Variants in SLC11A2 observed in about 807,000 individuals in gnomAD.
The protein encoded by SLC11A2 is solute carrier family 11 member 2.
Under a neutral mutation model 68.0 loss-of-function variants are expected in SLC11A2, and 38 were observed. The ratio of observed to expected loss-of-function variants is 0.56; its 90% confidence interval spans 0.43 to 0.73. The LOEUF (loss-of-function observed/expected upper bound fraction) is 0.73. Ranked by LOEUF, SLC11A2 falls within the 30% of genes least tolerant of loss-of-function variation. SLC11A2 has a pLI of 0.00. For synonymous variants in SLC11A2, 242 were observed against 250.6 expected (o/e 0.97, Z 0.32); for missense variants, 517 against 690.5 (o/e 0.75, Z 2.82).
At chr12:50,968,597 T>C in the SLC11A2 span, among the ~76,000 whole-genome samples, 1 of 152,142 alleles carries the variant, frequency 6.6e-6, no homozygotes, top group East Asian at 1.9e-4. Flanking sequence ...TTGCCCAGGC[T>C]GGAGTGCAAT....
the SLC11A2 span, among the ~76,000 whole-genome samples, chr12:50,966,612 G>A: frequency 5.9e-5 from 9 of 152,170 alleles, no homozygotes; most frequent in Admixed American, 2.6e-4. Context: ...ACTCTACCAA[G>A]GAAGTTCTGG....
chr12:50,978,229 C>T (rs1261785977), downstream of SLC11A2, among the ~76,000 whole-genome samples: 1 of 150,104 alleles, frequency 6.7e-6, no homozygotes. Flanking sequence ...ATAGCAAAGA[C>T]CTGGAACCAA....
At chr12:50,990,665 C>T (rs965951025) in intron 15 of SLC11A2, 130 bp downstream of exon 15, 2 of 907,584 alleles carry the variant, frequency 2.2e-6, no homozygotes, top group African/African-American at 3.3e-5. Flanking sequence ...CCGCCTCAGC[C>T]TCCCAAAGTA....
the SLC11A2 span, among the ~76,000 whole-genome samples, chr12:50,972,285 C>T: frequency 9.9e-5 from 15 of 152,272 alleles, no homozygotes; most frequent in East Asian, 2.9e-3. Flanking sequence ...GTAAGTTCCA[C>T]AATTTTGTAA....
In SLC11A2 at chr12:51,004,957, GTC is replaced by G. The variant is rs761466970; in HGVS notation, c.310-52_310-51del. 3.7e-6 allele frequency: 6 copies of G among 1,607,176 alleles called. No individual in the cohort carries two copies. In the Admixed American group the frequency reaches 1.0e-4, roughly 27 times the overall value. ...ACACTCATTGAACAACTGAGTTTTT[GTC>G]TGTTTGTTTGTTTAGTTGTTTGGCA... On this transcript the variant is annotated intron_variant, in intron 4 of 15. Transcript: ENST00000262052.
chr12:51,002,871 C>A (rs552044833), intron 5 of SLC11A2, among the ~76,000 whole-genome samples: 2 of 150,768 alleles, frequency 1.3e-5, no homozygotes, highest in Admixed American at 1.3e-4. Flanking sequence ...ACCCAAGAGG[C>A]GGAGGTTGTG....
chr12:50,981,680 A>T (rs1221434390), downstream of SLC11A2: 1 of 1,317,992 alleles, frequency 7.6e-7, no homozygotes, highest in Non-Finnish European at 1.1e-6. Flanking sequence ...CTGGCACAAA[A>T]AGGGCTTAGA....
chr12:50,994,272 C>T (rs972051382), intron 11 of SLC11A2, among the ~76,000 whole-genome samples: 1 of 152,090 alleles, frequency 6.6e-6, no homozygotes, highest in Admixed American at 6.6e-5. Context: ...GTCTTGAACT[C>T]CTGAGCTCAA....
the SLC11A2 span, among the ~76,000 whole-genome samples, chr12:50,963,875 A>G: frequency 6.6e-6 from 1 of 152,202 alleles, no homozygotes; most frequent in African/African-American, 2.4e-5. Flanking sequence ...GCCCTTGTCA[A>G]CTTGACATCC....
chr12:51,005,750 A>G (rs1942666773), intron 3 of SLC11A2: 2 of 1,244,968 alleles, frequency 1.6e-6, no homozygotes, highest in South Asian at 2.5e-5. Context: ...CCACCATTTT[A>G]AAAAGGAAAC....
chr12:51,022,021 T>G (rs1343644533), intron 1 of SLC11A2, among the ~76,000 whole-genome samples: 1 of 152,178 alleles, frequency 6.6e-6, no homozygotes, highest in East Asian at 1.9e-4. Context: ...CTCTTGAGGC[T>G]TAACCAGCTT....
At chr12:50,964,770 G>A in the SLC11A2 span, among the ~76,000 whole-genome samples, 10 of 152,350 alleles carry the variant, frequency 6.6e-5, no homozygotes, top group African/African-American at 2.4e-4. Context: ...AACCACATCT[G>A]GATAGCAGAG....
the SLC11A2 span, among the ~76,000 whole-genome samples, chr12:50,959,860 G>A: frequency 2.0e-5 from 3 of 152,064 alleles, no homozygotes; most frequent in Admixed American, 6.5e-5. Context: ...GTGTTGGCCA[G>A]GCTGGTCTTG....
chr12:50,968,789 G>A, the SLC11A2 span, among the ~76,000 whole-genome samples: 11 of 149,072 alleles, frequency 7.4e-5, no homozygotes, highest in Non-Finnish European at 1.2e-4. Context: ...TGATCCACCC[G>A]CCTTGGCCTC....
intron 1 of SLC11A2, among the ~76,000 whole-genome samples, chr12:51,016,160 G>T (rs565471383): frequency 6.6e-6 from 1 of 152,286 alleles, no homozygotes; most frequent in South Asian, 2.1e-4. Context: ...TAACACTTCG[G>T]GAGGCCAAGG....
the SLC11A2 span, among the ~76,000 whole-genome samples, chr12:50,970,085 C>T: frequency 3.3e-5 from 5 of 152,026 alleles, no homozygotes. Flanking sequence ...ATTTGTTTTC[C>T]TCGGGATACT....
rs1942918493 is a variant in SLC11A2, at chr12:51,008,279, C to CAGACA, written c.183+196_183+197insTGTCT. On this transcript the variant is annotated intron_variant, in intron 3 of 15. Transcript: ENST00000262052. ...ATAGATAGACGGACAGACAGACAGA[C>CAGACA]AGAGATAGATAGATATAGATGGGGT... 5 of 517,748 alleles carry CAGACA rather than the reference C, an allele frequency of 9.7e-6. No individual in the cohort carries two copies. In the African/African-American group the frequency reaches 9.8e-5, roughly 10 times the overall value. The allele number at this position is 517,748 out of a possible 1,614,324, so 32.1% of individuals were successfully genotyped here. A position where few individuals can be genotyped will look rare whatever the true frequency, so the allele number is the denominator to read the frequency against.
At chr12:50,958,452 T>A in the SLC11A2 span, among the ~76,000 whole-genome samples, 2 of 151,330 alleles carry the variant, frequency 1.3e-5, no homozygotes, top group Non-Finnish European at 2.9e-5. Context: ...CGGCTAATTT[T>A]TTGTATTTTT....
chr12:50,997,737 T>C (rs224449), intron 8 of SLC11A2, among the ~76,000 whole-genome samples: 1 of 131,608 alleles, frequency 7.6e-6, no homozygotes, highest in Admixed American at 8.1e-5. Context: ...CCTGTAATCC[T>C]AGCACTTTAG....
Sources: allele counts gnomAD v4.1 joint callset (sites outside exome capture counted in the v4.1 genomes callset), GRCh38; gene constraint gnomAD v4.1.1; transcripts MANE v1.5; gene names NCBI Gene and HGNC (gene_info 2026-07-23, HGNC 2026-07-21).